The following AVEN variants were observed in gnomAD, a reference collection of about 807,000 sequenced individuals.
AVEN encodes the protein cell death regulator Aven.
In AVEN, 41 loss-of-function variants were observed where a neutral mutation model predicts 38.1. The observed-to-expected ratio is 1.08, with a 90% CI of 0.84 to 1.40. AVEN has a LOEUF of 1.40. Ranked by LOEUF, AVEN falls within the 40% of genes most tolerant of loss-of-function variation. The pLI is 0.00. For missense variants in AVEN, 605 were observed against 438.8 expected, an observed-to-expected ratio of 1.38 and a Z score of -3.38; for synonymous variants, 206 against 171.8, an observed-to-expected ratio of 1.20 and a Z score of -1.56.
intron 2 of AVEN, among the ~76,000 whole-genome samples, chr15:34,069,274 GC>G (rs1900584881): frequency 6.6e-6 from 1 of 152,046 alleles, no homozygotes. Flanking sequence ...ACAAAAATTA[GC>G]CAGGCATGGT....
chr15:34,019,078 T>C (rs1372237608), intron 1 of AVEN, among the ~76,000 whole-genome samples: 1 of 152,154 alleles, frequency 6.6e-6, no homozygotes, highest in Non-Finnish European at 1.5e-5. Flanking sequence ...TTTTCAATCC[T>C]TTAGCTAGAC....
chr15:33,866,646 C>G lies in AVEN; in HGVS notation c.1056G>C (p.Glu352Asp). Residue 352 changes from glutamate to aspartate, a missense_variant, in exon 6 of 6, where the codon GAG becomes GAC. Glu to Asp is a conservative substitution (Grantham distance 45). Transcript: ENST00000306730. ...TCATGCTGTCCAACCAGTCTTCCAG[C>G]TCTTCCTCGGTAACATTTTTGGAGG... is the stretch of plus-strand genomic sequence containing the variant. ...PSTSKNVTEE[E>D]LEDWLDSMIS 6.2e-7 allele frequency: 1 copy of G among 1,614,020 alleles called. No individual in the cohort carries two copies. Among genetic ancestry groups the G allele is most frequent in the Non-Finnish European group, 8.5e-7 (1 of 1,179,898 alleles).
At chr15:34,019,545 G>GACTC (rs1299568468) in intron 1 of AVEN, among the ~76,000 whole-genome samples, 2 of 152,166 alleles carry the variant, frequency 1.3e-5, no homozygotes, top group Non-Finnish European at 2.9e-5. Flanking sequence ...CTCACTCACT[G>GACTC]ACTCACTCAG....
chr15:33,872,227 C>T (rs1441116534), intron 3 of AVEN, among the ~76,000 whole-genome samples: 1 of 152,218 alleles, frequency 6.6e-6, no homozygotes, highest in African/African-American at 2.4e-5. Flanking sequence ...TCAGTGTGCA[C>T]AGGACCCTGT....
At chr15:33,880,097 C>G (rs1358922169) in intron 2 of AVEN, among the ~76,000 whole-genome samples, 2 of 151,914 alleles carry the variant, frequency 1.3e-5, no homozygotes, top group Non-Finnish European at 2.9e-5. Flanking sequence ...AAATAAAACC[C>G]TCTTAACAAA....
At chr15:33,906,645 T>C (rs1230296669) in intron 2 of AVEN, among the ~76,000 whole-genome samples, 1 of 152,236 alleles carries the variant, frequency 6.6e-6, no homozygotes, top group Non-Finnish European at 1.5e-5. Flanking sequence ...AGACAAATGC[T>C]ATATGATTCT....
intron 2 of AVEN, among the ~76,000 whole-genome samples, chr15:33,971,241 C>T (rs1400901016): frequency 6.6e-6 from 1 of 151,996 alleles, no homozygotes; most frequent in African/African-American, 2.4e-5. Flanking sequence ...TAGTCAATGA[C>T]CTGCCTACTT....
At chr15:33,888,495 G>A (rs886126792) in intron 2 of AVEN, among the ~76,000 whole-genome samples, 3 of 152,216 alleles carry the variant, frequency 2.0e-5, no homozygotes, top group South Asian at 2.1e-4. Flanking sequence ...ACTGTGGGAT[G>A]TGCAAGCAAT....
At chr15:33,987,379 A>G (rs1896523031) in intron 2 of AVEN, among the ~76,000 whole-genome samples, 1 of 152,228 alleles carries the variant, frequency 6.6e-6, no homozygotes, top group Non-Finnish European at 1.5e-5. Context: ...GGAAAGGGAA[A>G]GGCCAGGAAA....
rs572096506 is a variant in AVEN at position 33,937,256 on chromosome 15, C to T, written c.446-61261G>A. Among the ~76,000 whole-genome samples, 22 of 151,714 alleles carry T rather than the reference C, an allele frequency of 1.5e-4. No individual in the cohort carries two copies. The South Asian group carries it at 4.0e-3, about 27-fold the overall frequency. On this transcript the variant is annotated intron_variant, in intron 2 of 5. Transcript: ENST00000306730. ...AACATTTTAAAAATTAAATCAGGGC[C>T]GGGCACGGTGGCTCACGCCTGTAAT...
intron 2 of AVEN, among the ~76,000 whole-genome samples, chr15:33,880,445 G>A (rs59378948): frequency 0.071 from 10,728 of 152,136 alleles, 457 homozygotes; most frequent in South Asian, 0.2. Flanking sequence ...TAGAGTTCAG[G>A]GCCAATGGAT....
chr15:34,064,141 C>T, intron 4 of AVEN: 1 of 1,614,208 alleles, frequency 6.2e-7, no homozygotes, highest in Non-Finnish European at 8.5e-7. Flanking sequence ...GTCCCAGTCA[C>T]CCTGTGGCAC....
chr15:33,863,113 C>G (rs1436307745), downstream of AVEN, among the ~76,000 whole-genome samples: 6 of 152,148 alleles, frequency 3.9e-5, no homozygotes, highest in East Asian at 1.9e-4. Context: ...TCCCATGGCA[C>G]TGTTACACTG....
rs143550200 is a variant in AVEN, at chr15:34,000,119, C to G, written c.445+2913G>C. Among the ~76,000 whole-genome samples, 12 of 152,328 alleles carry G rather than the reference C, an allele frequency of 7.9e-5. No homozygotes were observed. The East Asian group carries it at 1.9e-3, about 24-fold the overall frequency. On this transcript the variant is annotated intron_variant, in intron 2 of 5. Coordinates refer to ENST00000306730, the MANE Select transcript of AVEN (RefSeq NM_020371.3). ...ATATCCTCACTTGCTCCCTCACCCT[C>G]CTCAGATCTTTGCTCAAATGTTATA... is the stretch of plus-strand genomic sequence containing the variant.
At chr15:34,064,022 C>CA in intron 4 of AVEN, 2 of 1,614,138 alleles carry the variant, frequency 1.2e-6, no homozygotes, top group Non-Finnish European at 1.7e-6. Context: ...TGGTCCTAGT[C>CA]AAAGAGAGGA....
chr15:34,040,719 G>T (rs1353374309), upstream of AVEN, among the ~76,000 whole-genome samples: 1 of 151,898 alleles, frequency 6.6e-6, no homozygotes, highest in Non-Finnish European at 1.5e-5. Flanking sequence ...CCTGAGACAT[G>T]AGTTCAAGAT....
intron 2 of AVEN, among the ~76,000 whole-genome samples, chr15:33,967,054 G>A (rs1895414971): frequency 6.6e-6 from 1 of 152,024 alleles, no homozygotes; most frequent in Non-Finnish European, 1.5e-5. Flanking sequence ...AGTATATAAT[G>A]ACCAATCATT....
At chr15:34,005,653 T>C (rs968560117) in intron 1 of AVEN, among the ~76,000 whole-genome samples, 3 of 152,228 alleles carry the variant, frequency 2.0e-5, no homozygotes, top group Non-Finnish European at 4.4e-5. Flanking sequence ...TACAGATATG[T>C]CTTCCCTCTT....
At chr15:34,027,958 C>T (rs183274286) in intron 1 of AVEN, among the ~76,000 whole-genome samples, 7 of 152,224 alleles carry the variant, frequency 4.6e-5, no homozygotes, top group East Asian at 1.9e-4. Flanking sequence ...TGTGGTCATG[C>T]GCAGAAAAGA....
Sources: allele counts gnomAD v4.1 joint callset (sites outside exome capture counted in the v4.1 genomes callset), GRCh38; gene constraint gnomAD v4.1.1; transcripts MANE v1.5; gene names NCBI Gene and HGNC (gene_info 2026-07-23, HGNC 2026-07-21).